Variants in XRCC4 observed in about 807,000 individuals in gnomAD.
XRCC4 encodes DNA repair protein XRCC4.
Under a neutral mutation model 39.1 loss-of-function variants are expected in XRCC4, and 28 were observed. The ratio of observed to expected loss-of-function variants is 0.72; its 90% CI spans 0.53 to 0.98. The LOEUF (loss-of-function observed/expected upper bound fraction) is 0.98, where lower values mean the gene tolerates loss of function less well. Among genes scored for constraint, XRCC4 ranks in the 50% least tolerant of loss-of-function variants. The pLI is 0.00. For synonymous variants in XRCC4, 123 were observed against 126.4 expected (o/e 0.97, Z 0.18); for missense variants, 350 against 376.4 (o/e 0.93, Z 0.58).
chr5:83,358,114 GC>G (rs1757210156), downstream of XRCC4, among the ~76,000 whole-genome samples: 9 of 152,036 alleles, frequency 5.9e-5, no homozygotes, highest in African/African-American at 1.9e-4. Flanking sequence ...TCTAATAAAC[GC>G]TTTTCGGGAA....
intron 7 of XRCC4, among the ~76,000 whole-genome samples, chr5:83,267,550 CTCTT>C (rs1222729400): frequency 6.6e-6 from 1 of 152,154 alleles, no homozygotes; most frequent in African/African-American, 2.4e-5. Context: ...ATTCCTATGT[CTCTT>C]TCTTCCTTCT....
intron 3 of XRCC4, among the ~76,000 whole-genome samples, chr5:83,116,457 T>C (rs915015143): frequency 2.0e-5 from 3 of 152,148 alleles, no homozygotes; most frequent in Non-Finnish European, 2.9e-5. Context: ...ATCTAACTTA[T>C]ATAAGAATTG....
Position 83,104,903 on chromosome 5 carries a change from A to G in XRCC4, c.-10-7A>G, listed in dbSNP as rs1247548919. 1.9e-6 allele frequency: 3 copies of G among 1,610,688 alleles called. No homozygotes were observed. Among genetic ancestry groups the G allele is most frequent in the South Asian group, 2.2e-5 (2 of 90,970 alleles). On this transcript the variant is annotated splice_region_variant and splice_polypyrimidine_tract_variant and intron_variant, in intron 1 of 7. Coordinates refer to ENST00000396027, the MANE Select transcript of XRCC4 (RefSeq NM_003401.5). The stretch of plus-strand genomic sequence containing the variant: ...TTAAAAATATTAATTGTATTCTCCC[A>G]TTACAGGTATTAAGAAATGGAGAGA...
At chr5:83,194,668 A>T (rs1018010434) in intron 3 of XRCC4, among the ~76,000 whole-genome samples, 1 of 152,184 alleles carries the variant, frequency 6.6e-6, no homozygotes, top group Non-Finnish European at 1.5e-5. Context: ...CAAAACAAAA[A>T]CAAAATCAAT....
At chr5:83,296,479 T>A (rs1361379053) in intron 7 of XRCC4, among the ~76,000 whole-genome samples, 1 of 152,152 alleles carries the variant, frequency 6.6e-6, no homozygotes. Flanking sequence ...TTCTCTGCCA[T>A]AGCTGTTCTT....
At chr5:83,342,107 G>A (rs1411335324) in intron 7 of XRCC4, among the ~76,000 whole-genome samples, 1 of 152,200 alleles carries the variant, frequency 6.6e-6, no homozygotes, top group African/African-American at 2.4e-5. Context: ...AACTTGGAAT[G>A]TATGCAGGAC....
At chr5:83,205,835 T>C in intron 6 of XRCC4, among the ~76,000 whole-genome samples, 1 of 151,266 alleles carries the variant, frequency 6.6e-6, no homozygotes, top group Non-Finnish European at 1.5e-5. Flanking sequence ...AGGGTTATGA[T>C]TTTAGCCAGA....
chr5:83,365,655 ATG>A, the XRCC4 span, among the ~76,000 whole-genome samples: 1 of 152,192 alleles, frequency 6.6e-6, no homozygotes, highest in Admixed American at 6.5e-5. Context: ...AGTTAGAGAA[ATG>A]TGCCCAGCAA....
intron 6 of XRCC4, among the ~76,000 whole-genome samples, chr5:83,237,243 A>G (rs950274263): frequency 6.6e-6 from 1 of 152,130 alleles, no homozygotes; most frequent in African/African-American, 2.4e-5. Flanking sequence ...CAGTATATCA[A>G]AGTGATACCT....
intron 7 of XRCC4, among the ~76,000 whole-genome samples, chr5:83,277,139 T>C (rs149991291): frequency 7.0e-4 from 107 of 152,350 alleles, no homozygotes; most frequent in African/African-American, 2.5e-3. Flanking sequence ...TTTCATAGTT[T>C]AGTCAGGCAG....
intron 1 of XRCC4, among the ~76,000 whole-genome samples, chr5:83,104,608 G>A (rs940991705): frequency 3.9e-5 from 6 of 152,056 alleles, no homozygotes; most frequent in African/African-American, 1.4e-4. Context: ...GTGAGACACC[G>A]CGCCCAGCTG....
chr5:83,122,237 G>T (rs28745309), intron 3 of XRCC4, among the ~76,000 whole-genome samples: 2,243 of 152,190 alleles, frequency 0.015, 37 homozygotes, highest in East Asian at 0.071. Flanking sequence ...CTTAATTGAG[G>T]ATGCATTGGA....
chr5:83,373,725 A>T, the XRCC4 span, among the ~76,000 whole-genome samples: 190 of 152,266 alleles, frequency 1.2e-3, no homozygotes, highest in African/African-American at 4.4e-3. Flanking sequence ...TTTTTTTAAC[A>T]GAGAGAATGT....
At chr5:83,306,859 GAATAGAACAGAA>G (rs1255057891) in intron 7 of XRCC4, among the ~76,000 whole-genome samples, 3 of 152,158 alleles carry the variant, frequency 2.0e-5, no homozygotes, top group Non-Finnish European at 4.4e-5. Flanking sequence ...TTGAGGCACA[GAATAGAACAGAA>G]CAGAGAACAG....
intron 3 of XRCC4, among the ~76,000 whole-genome samples, chr5:83,152,522 A>G (rs964018729): frequency 4.0e-5 from 6 of 151,664 alleles, no homozygotes; most frequent in Non-Finnish European, 7.4e-5. Context: ...AATCCCAGCT[A>G]CTCAGGAGGC....
chr5:83,338,714 G>C (rs991561133), intron 7 of XRCC4, among the ~76,000 whole-genome samples: 3 of 152,230 alleles, frequency 2.0e-5, no homozygotes, highest in African/African-American at 7.2e-5. Context: ...ATGAACATCA[G>C]TTCAGAGTAA....
At position 83,120,911 on chromosome 5, in the gene XRCC4, T is replaced by A. The variant is rs886682706; in HGVS notation, c.315+9708T>A. Among the ~76,000 whole-genome samples the A allele has an allele frequency of 5.9e-5, 9 of 152,262 alleles. 1 individual carries two copies. In the South Asian group the frequency reaches 6.2e-4, roughly 11 times the overall value. On this transcript the variant is annotated intron_variant, in intron 3 of 7. Transcript: ENST00000396027. ...ATGATAAATCCTCAACCTGCCCAAATTTTTTAGTACCCATCATAATTCCTT... is the reference window on the plus strand; with the variant it reads ...ATGATAAATCCTCAACCTGCCCAAAATTTTTAGTACCCATCATAATTCCTT...
intron 1 of XRCC4, among the ~76,000 whole-genome samples, chr5:83,103,289 C>G (rs1029843592): frequency 2.6e-5 from 4 of 151,926 alleles, no homozygotes. Flanking sequence ...TTGCAAAGTA[C>G]TTAACAAATG....
rs140497280 is a variant in XRCC4, at chr5:83,223,554, GT to G, written c.745+18637del. Among the ~76,000 whole-genome samples the G allele has an allele frequency of 1.8e-4, 27 of 149,184 alleles. No individual in the cohort carries two copies. The East Asian group carries it at 5.3e-3, about 29-fold the overall frequency. ...TATAAGTATAGCTACTTTGCTCCTG[GT>G]TTTGGTCACCATTTGAATGGAATTT... is the stretch of plus-strand genomic sequence containing the variant. On this transcript the variant is annotated intron_variant, in intron 6 of 7. Transcript: ENST00000396027.
Sources: allele counts gnomAD v4.1 joint callset (sites outside exome capture counted in the v4.1 genomes callset), GRCh38; gene constraint gnomAD v4.1.1; transcripts MANE v1.5; gene names NCBI Gene and HGNC (gene_info 2026-07-23, HGNC 2026-07-21).